Variants in ACBD6 observed in about 807,000 individuals in gnomAD.
ACBD6 encodes the protein acyl-CoA binding domain containing 6.
ACBD6 carries 28 observed loss-of-function variants against 37.2 expected under a neutral mutation model. The ratio of observed to expected loss-of-function variants is 0.75; its 90% confidence interval spans 0.56 to 1.03. The LOEUF is 1.03. ACBD6 is among the 50% of genes least tolerant of loss of function. ACBD6 has a pLI of 0.00. For synonymous variants in ACBD6, 113 were observed against 126.8 expected (o/e 0.89, Z 0.73); for missense variants, 340 against 337.4 (o/e 1.01, Z -0.06).
At chr1:180,444,449 A>G (rs1649402907) in intron 3 of ACBD6, among the ~76,000 whole-genome samples, 1 of 152,158 alleles carries the variant, frequency 6.6e-6, no homozygotes, top group Non-Finnish European at 1.5e-5. Flanking sequence ...CATGGTCACA[A>G]TGTTTTGTGG....
chr1:180,419,208 G>A (rs943523984), intron 4 of ACBD6, among the ~76,000 whole-genome samples: 3 of 152,196 alleles, frequency 2.0e-5, no homozygotes, highest in Admixed American at 6.5e-5. Context: ...CAGAGATCGC[G>A]CCACTGCACT....
chr1:180,288,637 A>G, intron 7 of ACBD6, 120 bp from the exon 8 acceptor site: 1 of 1,192,200 alleles, frequency 8.4e-7, no homozygotes, highest in Non-Finnish European at 1.2e-6. Flanking sequence ...GCAATGTTAC[A>G]GTGACTGAAG....
rs370791531 is a variant in ACBD6 at position 180,500,694 on chromosome 1, CAA to C, written c.222+1349_222+1350del. 2.9e-3 allele frequency among the ~76,000 whole-genome samples: 272 copies of C among 94,906 alleles called. 1 individual carries two copies. Among genetic ancestry groups the C allele is most frequent in the African/African-American group, 7.9e-3 (212 of 26,860 alleles). 62.3% of individuals were successfully genotyped at this position (94,906 alleles called of 152,430 possible). A position where few individuals can be genotyped will look rare whatever the true frequency, so the allele number is the denominator to read the frequency against. On this transcript the variant is annotated intron_variant, in intron 1 of 7. Coordinates refer to ENST00000367595, the MANE Select transcript of ACBD6 (RefSeq NM_032360.4). ...GGGCAACAGGAGCAAAACTCCATCT[CAA>C]AAAAAAAAAAAAAAAAGTGTCAGCC...
intron 7 of ACBD6, among the ~76,000 whole-genome samples, chr1:180,297,838 TC>T (rs1649983341): frequency 6.6e-6 from 1 of 152,202 alleles, no homozygotes; most frequent in Non-Finnish European, 1.5e-5. Context: ...CCTCCCGGGT[TC>T]GAGCGATTCT....
chr1:180,350,272 G>T (rs1275914382), intron 6 of ACBD6, among the ~76,000 whole-genome samples: 2 of 152,042 alleles, frequency 1.3e-5, no homozygotes, highest in Non-Finnish European at 2.9e-5. Context: ...AAGCTCAAGC[G>T]ATTCTTCCAC....
intron 6 of ACBD6, among the ~76,000 whole-genome samples, chr1:180,353,276 T>C (rs892819800): frequency 2.0e-5 from 3 of 152,206 alleles, no homozygotes; most frequent in South Asian, 2.1e-4. Flanking sequence ...GTAATGTAGA[T>C]AGAAAATAAT....
At chr1:180,493,802 CTTTT>C (rs906076058) in intron 2 of ACBD6, among the ~76,000 whole-genome samples, 1 of 152,184 alleles carries the variant, frequency 6.6e-6, no homozygotes, top group African/African-American at 2.4e-5. Flanking sequence ...GTATCTTCAG[CTTTT>C]TTGTCTTCCA....
chr1:180,364,610 TATTTTGTGAAGTAA>T (rs1269299081), intron 6 of ACBD6, among the ~76,000 whole-genome samples: 1 of 152,224 alleles, frequency 6.6e-6, no homozygotes, highest in Non-Finnish European at 1.5e-5. Flanking sequence ...CAGAATAGGC[TATTTTGTGAAGTAA>T]ACAGAAATCT....
chr1:180,310,098 A>T (rs1301510485), intron 7 of ACBD6, among the ~76,000 whole-genome samples: 1 of 151,506 alleles, frequency 6.6e-6, no homozygotes, highest in Non-Finnish European at 1.5e-5. Context: ...CCTCATTTAT[A>T]AAAAAAAATA....
rs528939440 is a variant in ACBD6, at chr1:180,359,570, A to C, written c.663+37946T>G. Among the ~76,000 whole-genome samples, 4 of 152,348 alleles carry C rather than the reference A, an allele frequency of 2.6e-5. No homozygotes were observed. In the East Asian group the frequency reaches 7.7e-4, roughly 29 times the overall value. ...GATTGATGGAAGAAAAGTGTTAAACAAAAGAAAATTATGAATTACTACCAA... is the reference window on the plus strand; with the variant it reads ...GATTGATGGAAGAAAAGTGTTAAACCAAAGAAAATTATGAATTACTACCAA... On this transcript the variant is annotated intron_variant, in intron 6 of 7. Transcript: ENST00000367595.
At chr1:180,436,771 T>TA (rs1230043883) in intron 3 of ACBD6, among the ~76,000 whole-genome samples, 1 of 151,860 alleles carries the variant, frequency 6.6e-6, no homozygotes, top group Non-Finnish European at 1.5e-5. Flanking sequence ...AACATCACTT[T>TA]AAAAAAACCT....
At chr1:180,383,636 T>C (rs1010329125) in intron 6 of ACBD6, among the ~76,000 whole-genome samples, 3 of 152,144 alleles carry the variant, frequency 2.0e-5, no homozygotes, top group South Asian at 2.1e-4. Flanking sequence ...TATCAAAATA[T>C]TGACGTCATT....
At chr1:180,404,904 T>C (rs1021374136) in intron 5 of ACBD6, among the ~76,000 whole-genome samples, 2 of 152,234 alleles carry the variant, frequency 1.3e-5, no homozygotes, top group Non-Finnish European at 1.5e-5. Flanking sequence ...TATTTTCTGA[T>C]TTTGTATTAA....
intron 6 of ACBD6, among the ~76,000 whole-genome samples, chr1:180,389,187 G>A (rs1653969535): frequency 6.6e-6 from 1 of 152,058 alleles, no homozygotes; most frequent in African/African-American, 2.4e-5. Context: ...AGAGTGTGAT[G>A]TCCCCTTCCT....
At chr1:180,354,077 T>C (rs918420817) in intron 6 of ACBD6, among the ~76,000 whole-genome samples, 2 of 152,204 alleles carry the variant, frequency 1.3e-5, no homozygotes, top group African/African-American at 4.8e-5. Flanking sequence ...CAGGGAACAT[T>C]TGAAAATTCC....
rs59324454 is a variant in ACBD6, at chr1:180,488,103, T to TTGTG, written c.384+4162_384+4165dup. The stretch of plus-strand genomic sequence containing the variant: ...CGGAAAAAATGTATTTGTGTGTGTG[T>TTGTG]TGTGTGTGTGTGTGTGTTACATACA... On this transcript the variant is annotated intron_variant, in intron 3 of 7. Coordinates refer to ENST00000367595, the MANE Select transcript of ACBD6 (RefSeq NM_032360.4). Among the ~76,000 whole-genome samples the TTGTG allele has an allele frequency of 7.4e-3, 1,111 of 150,870 alleles. 11 individuals are homozygous for TTGTG. The highest frequency in any genetic ancestry group is 0.026 in the African/African-American group (1,057 of 41,234).
At chr1:180,434,151 C>T (rs1462721350) in intron 3 of ACBD6, among the ~76,000 whole-genome samples, 4 of 152,158 alleles carry the variant, frequency 2.6e-5, no homozygotes, top group Non-Finnish European at 5.9e-5. Flanking sequence ...GGACATGCCT[C>T]ATTATACTTT....
intron 6 of ACBD6, among the ~76,000 whole-genome samples, chr1:180,338,495 A>T (rs1651837483): frequency 6.6e-6 from 1 of 152,198 alleles, no homozygotes; most frequent in South Asian, 2.1e-4. Context: ...CTGAAACTGG[A>T]TCCCTTCCTT....
chr1:180,453,574 G>C (rs1649797901), intron 3 of ACBD6, among the ~76,000 whole-genome samples: 1 of 152,062 alleles, frequency 6.6e-6, no homozygotes, highest in Non-Finnish European at 1.5e-5. Flanking sequence ...AAGAAATAAA[G>C]GGTATTCAAA....
Sources: gnomAD v4.1 joint callset for allele counts (sites outside exome capture counted in the v4.1 genomes callset) on GRCh38, gnomAD v4.1.1 for gene constraint, MANE v1.5 for transcripts, NCBI Gene and HGNC (gene_info 2026-07-23, HGNC 2026-07-21) for gene names.